The following NTRK2 variants were observed in gnomAD, a reference collection of about 807,000 sequenced individuals.
NTRK2 encodes neurotrophic receptor tyrosine kinase 2.
NTRK2 carries 13 observed loss-of-function variants against 94.5 expected under a neutral mutation model. The ratio of observed to expected loss-of-function variants is 0.14; its 90% CI spans 0.09 to 0.22. The LOEUF (loss-of-function observed/expected upper bound fraction) is 0.22, where lower values mean the gene tolerates loss of function less well. NTRK2 is among the 10% of genes least tolerant of loss of function. NTRK2 has a pLI of 1.00. For missense variants in NTRK2, 639 were observed against 1,071.2 expected, an observed-to-expected ratio of 0.60 and a Z score of 5.63; for synonymous variants, 372 against 407.4, an observed-to-expected ratio of 0.91 and a Z score of 1.05.
chr9:84,928,642 A>G (rs2289662), intron 14 of NTRK2, among the ~76,000 whole-genome samples: 7,148 of 152,212 alleles, frequency 0.047, 219 homozygotes, highest in Middle Eastern at 0.075. Context: ...GGCCCCGGGA[A>G]AGTCATGTCA....
intron 17 of NTRK2, 104 bp from the exon 18 acceptor site, chr9:85,020,102 C>A: frequency 8.2e-7 from 1 of 1,220,638 alleles, no homozygotes; most frequent in Non-Finnish European, 1.2e-6. Flanking sequence ...ACAATTAAAA[C>A]TATAAAGTGC....
At chr9:84,974,171 C>T (rs1826517996) in intron 17 of NTRK2, among the ~76,000 whole-genome samples, 1 of 152,162 alleles carries the variant, frequency 6.6e-6, no homozygotes, top group Non-Finnish European at 1.5e-5. Flanking sequence ...TGTGGAAATA[C>T]ATAAAATGAC....
intron 12 of NTRK2, among the ~76,000 whole-genome samples, chr9:84,784,645 C>A (rs984672152): frequency 6.6e-6 from 1 of 152,222 alleles, no homozygotes; most frequent in East Asian, 1.9e-4. Context: ...CATTCACATG[C>A]TGCACACTCA....
At chr9:84,819,774 A>AGAC (rs2072667543) in intron 12 of NTRK2, among the ~76,000 whole-genome samples, 1 of 152,168 alleles carries the variant, frequency 6.6e-6, no homozygotes, top group Non-Finnish European at 1.5e-5. Context: ...GGGATCCAGC[A>AGAC]AAGCTATTTT....
chr9:84,850,245 A>G (rs1399415655), intron 12 of NTRK2, among the ~76,000 whole-genome samples: 2 of 152,082 alleles, frequency 1.3e-5, no homozygotes, highest in Non-Finnish European at 2.9e-5. Context: ...AAAACATCAA[A>G]CGCAAAGACA....
At chr9:84,946,995 G>A (rs137924048) in intron 15 of NTRK2, among the ~76,000 whole-genome samples, 4 of 152,042 alleles carry the variant, frequency 2.6e-5, no homozygotes, top group South Asian at 2.1e-4. Context: ...TCGCTCTGTC[G>A]CTCAGGCTGG....
In NTRK2 at chr9:84,744,571, C is replaced by G. The variant is rs2063902890; in HGVS notation, c.1196-402C>G. 3.9e-5 allele frequency among the ~76,000 whole-genome samples: 6 copies of G among 152,122 alleles called. No individual in the cohort carries two copies. The South Asian group carries it at 1.0e-3, about 26-fold the overall frequency. On this transcript the variant is annotated intron_variant, in intron 10 of 18. Coordinates refer to ENST00000277120, the MANE Select transcript of NTRK2 (RefSeq NM_006180.6). ...ACTTTCCTCCACTGATATTCTTCAG[C>G]TGTAAAACTGGTAGTTATGCTCTGT...
At chr9:84,972,592 A>G (rs780856961) in intron 17 of NTRK2, among the ~76,000 whole-genome samples, 5 of 152,258 alleles carry the variant, frequency 3.3e-5, no homozygotes, top group African/African-American at 7.2e-5. Context: ...TATATACACA[A>G]TTTTAACACA....
chr9:84,950,818 T>C (rs114762653), intron 16 of NTRK2, among the ~76,000 whole-genome samples: 32 of 152,310 alleles, frequency 2.1e-4, no homozygotes, highest in African/African-American at 6.5e-4. Context: ...CCTCACAATC[T>C]TTCACAATAC....
At chr9:84,889,348 G>A (rs1248112832) in intron 14 of NTRK2, among the ~76,000 whole-genome samples, 2 of 152,036 alleles carry the variant, frequency 1.3e-5, no homozygotes, top group Non-Finnish European at 2.9e-5. Context: ...AAATCTTTCT[G>A]TAATTCTAAA....
At chr9:84,848,370 T>A (rs2074576684) in intron 12 of NTRK2, among the ~76,000 whole-genome samples, 1 of 152,202 alleles carries the variant, frequency 6.6e-6, no homozygotes, top group Non-Finnish European at 1.5e-5. Flanking sequence ...AGTCCAGTTG[T>A]AGTTGTTTCT....
chr9:84,987,588 A>G (rs1828483281), intron 17 of NTRK2, among the ~76,000 whole-genome samples: 1 of 152,234 alleles, frequency 6.6e-6, no homozygotes, highest in African/African-American at 2.4e-5. Context: ...ATGAAAAATC[A>G]GTGACACCAA....
In NTRK2 at chr9:84,843,003, T is replaced by A. The variant is rs546997472; in HGVS notation, c.1397-18037T>A. The stretch of plus-strand genomic sequence containing the variant: ...GGCATCTAAGAGCAAGAACTACATA[T>A]TCACTTTGCTTCATTTGCTGTCTGT... On this transcript the variant is annotated intron_variant, in intron 12 of 18. Coordinates refer to ENST00000277120, the MANE Select transcript of NTRK2 (RefSeq NM_006180.6). Among the ~76,000 whole-genome samples the A allele has an allele frequency of 5.3e-5, 8 of 152,298 alleles. 1 individual carries two copies. Among genetic ancestry groups the A allele is most frequent in the African/African-American group, 1.9e-4 (8 of 41,566 alleles).
intron 12 of NTRK2, among the ~76,000 whole-genome samples, chr9:84,843,444 G>A (rs1403466653): frequency 6.6e-6 from 1 of 152,170 alleles, no homozygotes; most frequent in African/African-American, 2.4e-5. Flanking sequence ...TTCACTCCCA[G>A]GACCCGACTG....
chr9:84,994,651 CTT>C (rs1417127133), intron 17 of NTRK2, among the ~76,000 whole-genome samples: 1 of 152,184 alleles, frequency 6.6e-6, no homozygotes, highest in Non-Finnish European at 1.5e-5. Flanking sequence ...CAGTTTTAGA[CTT>C]TGGAATTCAA....
intron 14 of NTRK2, chr9:84,872,890 C>G: frequency 9.4e-7 from 1 of 1,065,364 alleles, no homozygotes; most frequent in South Asian, 4.5e-5. Flanking sequence ...CATTCTGCTC[C>G]CCTCAACAGC....
rs114426880 is a variant in NTRK2 at position 84,843,486 on chromosome 9, T to G, written c.1397-17554T>G. On this transcript the variant is annotated intron_variant, in intron 12 of 18. Coordinates refer to ENST00000277120, the MANE Select transcript of NTRK2 (RefSeq NM_006180.6). ...GAGCCAGCTGCCCACCAGCAGTGCT[T>G]GGTTTGAATGGTTGTGATGGTTTGA... 1.6e-3 allele frequency among the ~76,000 whole-genome samples: 245 copies of G among 152,120 alleles called. 2 individuals carry two copies. Among genetic ancestry groups the G allele is most frequent in the African/African-American group, 5.5e-3 (230 of 41,494 alleles).
At chr9:84,742,401 G>A (rs2063713507) in intron 10 of NTRK2, among the ~76,000 whole-genome samples, 1 of 152,216 alleles carries the variant, frequency 6.6e-6, no homozygotes, top group Non-Finnish European at 1.5e-5. Flanking sequence ...TGGGACCCAA[G>A]TTCCCTTCAC....
At chr9:84,956,941 G>A (rs1824210913) in intron 17 of NTRK2, among the ~76,000 whole-genome samples, 1 of 151,878 alleles carries the variant, frequency 6.6e-6, no homozygotes, top group African/African-American at 2.4e-5. Flanking sequence ...GATTCTCTTG[G>A]GTGTATTTGC....
Sources: allele counts gnomAD v4.1 joint callset (sites outside exome capture counted in the v4.1 genomes callset), GRCh38; gene constraint gnomAD v4.1.1; transcripts MANE v1.5; gene names NCBI Gene and HGNC (gene_info 2026-07-23, HGNC 2026-07-21).